PLEKHG4: variants seen among roughly 807,000 people sequenced by gnomAD.
PLEKHG4 encodes the protein pleckstrin homology and RhoGEF domain containing G4.
A neutral mutation model predicts 136.9 loss-of-function variants in PLEKHG4; 85 were observed. That is an observed-to-expected ratio of 0.62 (90% CI 0.52 to 0.74). The LOEUF is 0.74. PLEKHG4 is among the 30% of genes least tolerant of loss of function. PLEKHG4 has a pLI of 0.00. For missense variants in PLEKHG4, 1,317 were observed against 1,527.8 expected (o/e 0.86, Z 2.30); for synonymous variants, 577 against 646.9 (o/e 0.89, Z 1.64).
rs373296947 is a variant in PLEKHG4, at chr16:67,285,511, G to A, written c.2417G>A (p.Arg806Gln). 6.2e-6 allele frequency: 10 copies of A among 1,611,100 alleles called. 1 individual carries two copies. The highest frequency in any genetic ancestry group is 3.3e-4 in the Middle Eastern group (2 of 6,062). The change falls in exon 14 of 22, where the codon CGA becomes CAA. Residue 806 changes from arginine to glutamine, a missense_variant. Physicochemically the swap from Arg to Gln is conservative, Grantham distance 43. Coordinates refer to ENST00000379344, the MANE Select transcript of PLEKHG4 (RefSeq NM_001129729.3). ...ELEACTRHPP[R>Q]VAYAFLRHRV... is the part of the protein sequence containing the mutation. The stretch of plus-strand genomic sequence containing the variant: ...GAGGCTTGCACCCGGCACCCACCAC[G>A]AGTGGCCTATGCCTTCCTGCGCCAT...
At chr16:67,287,548 T>C (rs2036531952) in intron 18 of PLEKHG4, 1 of 482,116 alleles carries the variant, frequency 2.1e-6, no homozygotes, top group African/African-American at 1.9e-5. Flanking sequence ...TACAGGCATG[T>C]GCCACCATGC....
intron 14 of PLEKHG4, 46 bp downstream of exon 14, chr16:67,285,582 C>G (rs1406299112): frequency 2.5e-6 from 4 of 1,598,884 alleles, no homozygotes; most frequent in East Asian, 4.5e-5. Context: ...TGCCACACTC[C>G]CGAAGTTGCT....
rs775249342 is a variant in PLEKHG4 at position 67,280,702 on chromosome 16, C to T, written c.500-9C>T. On this transcript the variant is annotated splice_polypyrimidine_tract_variant and intron_variant, in intron 2 of 21. Coordinates refer to ENST00000379344, the MANE Select transcript of PLEKHG4 (RefSeq NM_001129729.3). This position sits in a 1 kb window ranked among gnomAD's most constrained non-coding sequence, Gnocchi z 4.4. ...TCCAAGGCAGACCCAAGTCATTTCCCTTCCCAAGCCCCCAGTGGATCCGGC... is the reference window on the plus strand; with the variant it reads ...TCCAAGGCAGACCCAAGTCATTTCCTTTCCCAAGCCCCCAGTGGATCCGGC... 1.6e-5 allele frequency: 26 copies of T among 1,613,972 alleles called. No homozygotes were observed. Among genetic ancestry groups the T allele is most frequent in the Non-Finnish European group, 2.5e-6 (3 of 1,180,032 alleles).
chr16:67,277,868 A>T (rs1368558604), upstream of PLEKHG4: 12 of 152,330 alleles, frequency 7.9e-5, no homozygotes, highest in Admixed American at 5.9e-4. Flanking sequence ...TGGAGTGGAG[A>T]AACCAGGGCC....
At position 67,282,644 on chromosome 16, in the gene PLEKHG4, C is replaced by T. The variant is rs750034035; in HGVS notation, c.1392+3C>T. 28 of 1,613,840 alleles carry T rather than the reference C, an allele frequency of 1.7e-5. No individual in the cohort carries two copies. The highest frequency in any genetic ancestry group is 1.6e-4 in the Middle Eastern group (1 of 6,062). ...CCCGGGAAAGCGGACTGCACCAGGT[C>T]GGAACTACTTGCCCAGAGTGGGCCC... On this transcript the variant is annotated splice_donor_region_variant and intron_variant, in intron 10 of 21. Transcript: ENST00000379344.
chr16:67,280,181 C>G lies in PLEKHG4; in HGVS notation c.137C>G (p.Pro46Arg). 1 of 1,613,910 alleles carries G rather than the reference C, an allele frequency of 6.2e-7. No individual in the cohort carries two copies. The highest frequency in any genetic ancestry group is 8.5e-7 in the Non-Finnish European group (1 of 1,179,970). The change falls in exon 2 of 22, where the codon CCA becomes CGA. Residue 46 changes from proline to arginine, a missense_variant. By Grantham distance (103) the Pro-to-Arg change is moderately radical. Transcript: ENST00000379344. This position sits in a 1 kb window ranked among gnomAD's most constrained non-coding sequence, Gnocchi z 4.4. ...GCTTCCCAGATGCACGTTAAGGACC[C>G]AGGTCCTCCAAGACCACCAGCCGGG... ...EPASQMHVKD[P>R]GPPRPPAGAT...
rs150434910 is a variant in PLEKHG4, at chr16:67,285,451, G to A, written c.2357G>A (p.Arg786Gln). ...AHLFGNLEKLRDFHCHFFLRE... is the reference protein window; with the variant it reads ...AHLFGNLEKLQDFHCHFFLRE... ...CTCTTTGGCAACCTGGAGAAGCTGC[G>A]GGACTTCCACTGCCACTTCTTCCTG... The change falls in exon 14 of 22, where the codon CGG (arginine) becomes CAG (glutamine). Residue 786 changes from arginine to glutamine, a missense_variant. Physicochemically the swap from Arg to Gln is conservative, Grantham distance 43. Coordinates refer to ENST00000379344, the MANE Select transcript of PLEKHG4 (RefSeq NM_001129729.3). 1.1e-5 allele frequency: 18 copies of A among 1,614,122 alleles called. No homozygotes were observed. The highest frequency in any genetic ancestry group is 4.4e-5 in the South Asian group (4 of 91,088).
chr16:67,287,815 G>C (rs537145409), intron 18 of PLEKHG4, 83 bp from the exon 19 acceptor site: 1 of 895,570 alleles, frequency 1.1e-6, no homozygotes, highest in Non-Finnish European at 1.9e-6. Flanking sequence ...AGGTGTACAG[G>C]AAAGACTTAT....
Position 67,280,012 on chromosome 16 carries a change from G to A in PLEKHG4, c.-33G>A, listed in dbSNP as rs760923743. On this transcript the variant is annotated 5_prime_UTR_variant, in exon 2 of 22. Coordinates refer to ENST00000379344, the MANE Select transcript of PLEKHG4 (RefSeq NM_001129729.3). This position sits in a 1 kb window ranked among gnomAD's most constrained non-coding sequence, Gnocchi z 4.4. Reference sequence around the variant, plus strand: ...CACTGAGACCCAGCCCTCTCCCGCTGGCCCCGAGCAGGCCCACCTTTAGGA... The same window carrying A: ...CACTGAGACCCAGCCCTCTCCCGCTAGCCCCGAGCAGGCCCACCTTTAGGA... 6.8e-6 allele frequency: 11 copies of A among 1,606,838 alleles called. No homozygotes were observed. The East Asian group carries it at 2.2e-4, about 33-fold the overall frequency.
At chr16:67,283,321 G>A (rs2036315327) in intron 11 of PLEKHG4, among the ~76,000 whole-genome samples, 1 of 152,182 alleles carries the variant, frequency 6.6e-6, no homozygotes, top group Non-Finnish European at 1.5e-5. Context: ...GGGAGTTGCG[G>A]TGGGACAAGC....
chr16:67,282,070 A>G lies in PLEKHG4; in HGVS notation c.1067A>G (p.Glu356Gly). The G allele has an allele frequency of 6.2e-7, 1 of 1,613,640 alleles. No individual in the cohort carries two copies. Among genetic ancestry groups the G allele is most frequent in the Non-Finnish European group, 8.5e-7 (1 of 1,180,002 alleles). The change falls in exon 8 of 22, where the codon GAA becomes GGA. Residue 356 changes from glutamate (E) to glycine (G), a missense_variant. Coordinates refer to ENST00000379344, the MANE Select transcript of PLEKHG4 (RefSeq NM_001129729.3). ...AACALLQGAI[E>G]SVKAVPQPME... ...TGTGCCCTGCTCCAGGGGGCCATCG[A>G]AAGTGTGAAGGCTGTGCCCCAGCCC...
At chr16:67,288,778 A>C (rs1171073128) in intron 21 of PLEKHG4, 25 bp from the exon 22 acceptor site, 1 of 1,613,626 alleles carries the variant, frequency 6.2e-7, no homozygotes, top group Non-Finnish European at 8.5e-7. Context: ...GGAAGCAGGC[A>C]TTCATGCCTG....
chr16:67,278,044 G>A (rs1430889073), upstream of PLEKHG4: 1 of 152,370 alleles, frequency 6.6e-6, no homozygotes, highest in Non-Finnish European at 1.5e-5. Flanking sequence ...TAGGGCTCCT[G>A]GGGGACTTGG....
At chr16:67,281,314 C>T (rs1469469443) in intron 5 of PLEKHG4, 130 bp downstream of exon 5, 3 of 772,956 alleles carry the variant, frequency 3.9e-6, no homozygotes, top group African/African-American at 1.7e-5. Flanking sequence ...AACTCTATCT[C>T]CCCGATTCAA....
chr16:67,281,682 C>T (rs779525788), intron 6 of PLEKHG4, 38 bp downstream of exon 6: 73 of 1,609,828 alleles, frequency 4.5e-5, no homozygotes, highest in Non-Finnish European at 6.0e-5. Context: ...AGGTGGGGTG[C>T]CTCCCCCCAG....
chr16:67,284,229 A>G lies in PLEKHG4; in HGVS notation c.1510-46A>G, dbSNP rs2142454400. On this transcript the variant is annotated intron_variant, in intron 11 of 21. Coordinates refer to ENST00000379344, the MANE Select transcript of PLEKHG4 (RefSeq NM_001129729.3). The surrounding 1 kb of genome is among the most constrained non-coding windows in gnomAD (Gnocchi z 4.4). ...CAGGAAGTATCTGAGTCTGGGGGCT[A>G]GACCGCCAGGCCTGGGCTGGCTGAG... The G allele has an allele frequency of 1.3e-6, 2 of 1,571,104 alleles. No homozygotes were observed. Among genetic ancestry groups the G allele is most frequent in the East Asian group, 4.5e-5 (2 of 44,502 alleles).
intron 19 of PLEKHG4, 57 bp downstream of exon 19, chr16:67,288,071 C>G: frequency 6.5e-7 from 1 of 1,528,174 alleles, no homozygotes; most frequent in Non-Finnish European, 9.1e-7. Context: ...GCGGGAAGCA[C>G]TGTGGCCCTC....
intron 18 of PLEKHG4, 111 bp downstream of exon 18, chr16:67,287,288 C>T (rs903558042): frequency 1.3e-5 from 14 of 1,086,156 alleles, no homozygotes; most frequent in African/African-American, 4.6e-5. Flanking sequence ...GAAGGCCCAG[C>T]GACAGCCACC....
intron 18 of PLEKHG4, chr16:67,287,439 G>A (rs1322612671): frequency 3.4e-5 from 19 of 559,824 alleles, no homozygotes; most frequent in Admixed American, 9.0e-5. Flanking sequence ...TCGCTCTGTC[G>A]CCCAGGATGG....
Sources: allele counts gnomAD v4.1 joint callset (sites outside exome capture counted in the v4.1 genomes callset), GRCh38; gene constraint gnomAD v4.1.1; non-coding constraint Gnocchi (gnomAD v3.1); transcripts MANE v1.5; gene names NCBI Gene and HGNC (gene_info 2026-07-23, HGNC 2026-07-21).